The following ARAP2 variants were observed in gnomAD, a reference collection of about 807,000 sequenced individuals.
The protein encoded by ARAP2 is ArfGAP with RhoGAP domain, ankyrin repeat and PH domain 2, also known as arf-GAP with Rho-GAP domain, ANK repeat and PH domain-containing protein 2.
ARAP2 carries 148 observed loss-of-function variants against 194.5 expected under a neutral mutation model. The ratio of observed to expected loss-of-function variants is 0.76; its 90% CI spans 0.67 to 0.87. The LOEUF is 0.87. ARAP2 is among the 40% of genes least tolerant of loss of function. The pLI, the probability that ARAP2 is intolerant of heterozygous loss-of-function variation, is 0.00. For missense variants in ARAP2, 2,128 were observed against 1,989.7 expected, an observed-to-expected ratio of 1.07 and a Z score of -1.32; for synonymous variants, 695 against 683.5, an observed-to-expected ratio of 1.02 and a Z score of -0.26.
intron 20 of ARAP2, among the ~76,000 whole-genome samples, chr4:36,131,465 AGTGT>A (rs759697711): frequency 1.6e-4 from 24 of 151,190 alleles, no homozygotes; most frequent in Non-Finnish European, 3.3e-4. Context: ...TACATATGTA[AGTGT>A]GTGTGTATAA....
chr4:36,088,988 A>T (rs1311465183), intron 28 of ARAP2, among the ~76,000 whole-genome samples: 2 of 152,092 alleles, frequency 1.3e-5, no homozygotes, highest in Non-Finnish European at 2.9e-5. Flanking sequence ...CTTCCATTCT[A>T]CATTTAAAGT....
At chr4:36,068,802 G>A (rs945887752) in intron 32 of ARAP2, among the ~76,000 whole-genome samples, 7 of 152,168 alleles carry the variant, frequency 4.6e-5, no homozygotes, top group African/African-American at 7.2e-5. Context: ...TGTATTTAAC[G>A]CCTTTTTTAT....
chr4:36,160,409 CATTAA>C, intron 13 of ARAP2, 45 bp downstream of exon 13: 1 of 1,401,840 alleles, frequency 7.1e-7, no homozygotes, highest in South Asian at 1.7e-5. Context: ...CTTGGCACAT[CATTAA>C]AAAGACATTA....
chr4:36,244,433 G>C lies in ARAP2; in HGVS notation c.-414C>G, dbSNP rs1233349288. The C allele has an allele frequency of 6.7e-6, 1 of 149,986 alleles. No homozygotes were observed. Among genetic ancestry groups the C allele is most frequent in the Non-Finnish European group, 1.5e-5 (1 of 67,228 alleles). 9.3% of individuals were successfully genotyped at this position (149,986 alleles called of 1,614,324 possible). A position where few individuals can be genotyped will look rare whatever the true frequency, so the allele number is the denominator to read the frequency against. ...GGCGGGGAGCGCGGGCCGCGGACCC[G>C]CGCTCAGCTCCGGAAACGCCGAGCC... On this transcript the variant is annotated 5_prime_UTR_variant, in exon 1 of 33. Coordinates refer to ENST00000303965, the MANE Select transcript of ARAP2 (RefSeq NM_015230.4).
intron 2 of ARAP2, among the ~76,000 whole-genome samples, chr4:36,216,095 A>C (rs1045056960): frequency 2.0e-5 from 3 of 151,528 alleles, no homozygotes; most frequent in Non-Finnish European, 4.4e-5. Context: ...AAAAAAAAAA[A>C]AACAACGAAA....
At chr4:36,081,191 C>T (rs945623686) in intron 30 of ARAP2, among the ~76,000 whole-genome samples, 9 of 152,192 alleles carry the variant, frequency 5.9e-5, no homozygotes, top group East Asian at 3.9e-4. Context: ...ATTTTAATTC[C>T]GTACCCTTGT....
chr4:36,218,845 A>G (rs1748557143), intron 2 of ARAP2, among the ~76,000 whole-genome samples: 1 of 152,224 alleles, frequency 6.6e-6, no homozygotes, highest in Non-Finnish European at 1.5e-5. Flanking sequence ...AGTAACTCTT[A>G]AGAATAAATA....
intron 20 of ARAP2, among the ~76,000 whole-genome samples, chr4:36,129,641 C>T (rs1724914950): frequency 6.6e-6 from 1 of 151,756 alleles, no homozygotes; most frequent in South Asian, 2.1e-4. Context: ...ACTGCTCTCT[C>T]AGTCTTCTAA....
upstream of ARAP2, chr4:36,244,549 C>CG (rs1754302407): frequency 6.6e-6 from 1 of 151,514 alleles, no homozygotes; most frequent in Non-Finnish European, 1.5e-5. Context: ...GCGCCCCGCG[C>CG]GGGGGAAGCC....
intron 27 of ARAP2, among the ~76,000 whole-genome samples, chr4:36,103,188 T>C (rs1717483247): frequency 6.6e-6 from 1 of 151,812 alleles, no homozygotes; most frequent in East Asian, 1.9e-4. Context: ...TTTAATTCCA[T>C]AGCATCTGTC....
At chr4:36,038,754 C>T (rs1031675422) in intron 5 of ARAP2, among the ~76,000 whole-genome samples, 3 of 152,130 alleles carry the variant, frequency 2.0e-5, no homozygotes, top group African/African-American at 7.2e-5. Context: ...TTACTTTCTG[C>T]TTTGGAAGCA....
intron 6 of ARAP2, chr4:36,209,436 A>C: frequency 6.7e-6 from 3 of 445,454 alleles, no homozygotes; most frequent in Non-Finnish European, 1.3e-5. Flanking sequence ...AAAATATATA[A>C]GGTATTAACA....
intron 5 of ARAP2, among the ~76,000 whole-genome samples, chr4:36,032,801 T>C (rs998401437): frequency 5.3e-5 from 8 of 152,208 alleles, no homozygotes; most frequent in Admixed American, 4.6e-4. Context: ...CCAATAGTTA[T>C]GTTTTCTGAT....
rs1160542308 is a variant in ARAP2 at position 36,147,664 on chromosome 4, G to A, written c.3083C>T (p.Ala1028Val). 1 of 1,613,230 alleles carries A rather than the reference G, an allele frequency of 6.2e-7. No individual in the cohort carries two copies. Among genetic ancestry groups the A allele is most frequent in the African/African-American group, 1.3e-5 (1 of 74,870 alleles). Residue 1028 changes from alanine to valine, a missense_variant, in exon 18 of 33, where the codon GCC becomes GTC. Transcript: ENST00000303965. ...IGQLFYKDCH[A>V]LDQWRKGWFA... is the part of the protein sequence containing the mutation. ...CCAGCCTTTTCTCCACTGATCCAGG[G>A]CATGGCAGTCTTTGTAGAAGAGTTG...
downstream of ARAP2, among the ~76,000 whole-genome samples, chr4:36,062,492 C>T (rs1332374155): frequency 2.6e-5 from 4 of 152,102 alleles, no homozygotes; most frequent in South Asian, 2.1e-4. Context: ...CTGCTAGAAG[C>T]GGTTTTGAAA....
chr4:36,163,463 T>G (rs138641077), intron 11 of ARAP2, among the ~76,000 whole-genome samples: 32 of 152,076 alleles, frequency 2.1e-4, no homozygotes, highest in Non-Finnish European at 3.7e-4. Flanking sequence ...AGAGAAAAGG[T>G]AGCTCATCAG....
At chr4:36,187,021 C>A (rs900425290) in intron 8 of ARAP2, among the ~76,000 whole-genome samples, 1 of 152,256 alleles carries the variant, frequency 6.6e-6, no homozygotes, top group Non-Finnish European at 1.5e-5. Context: ...TTCCACGAAA[C>A]CAGTCCCTGG....
At chr4:36,155,573 C>T (rs1732059825) in intron 15 of ARAP2, among the ~76,000 whole-genome samples, 1 of 151,946 alleles carries the variant, frequency 6.6e-6, no homozygotes, top group African/African-American at 2.4e-5. Flanking sequence ...GAGGACCACA[C>T]CACCATGGAG....
intron 20 of ARAP2, 83 bp from the exon 21 acceptor site, chr4:36,128,828 G>T: frequency 9.2e-7 from 1 of 1,090,408 alleles, no homozygotes; most frequent in Non-Finnish European, 1.3e-6. Flanking sequence ...ACAAATGTTT[G>T]TGTTGAGACG....
Sources: gnomAD v4.1 joint callset for allele counts (sites outside exome capture counted in the v4.1 genomes callset) on GRCh38, gnomAD v4.1.1 for gene constraint, MANE v1.5 for transcripts, NCBI Gene and HGNC (gene_info 2026-07-23, HGNC 2026-07-21) for gene names.